The following UBE3C variants were observed in gnomAD, a reference collection of about 807,000 sequenced individuals.
UBE3C encodes ubiquitin-protein ligase E3C.
UBE3C carries 42 observed loss-of-function variants against 129.4 expected under a neutral mutation model. The observed-to-expected ratio is 0.32, with a 90% CI of 0.25 to 0.42. The LOEUF (loss-of-function observed/expected upper bound fraction) is 0.42, where lower values mean the gene tolerates loss of function less well. Ranked by LOEUF, UBE3C falls within the 10% of genes least tolerant of loss-of-function variation. The probability of loss-of-function intolerance (pLI) is 1.00; values close to 1 mark genes in which losing one functional copy is unlikely to be tolerated. For missense variants in UBE3C, 1,049 were observed against 1,319.1 expected, an observed-to-expected ratio of 0.80 and a Z score of 3.17; for synonymous variants, 510 against 492.4, an observed-to-expected ratio of 1.04 and a Z score of -0.47.
chr7:157,229,631 T>G (rs1795969297), intron 17 of UBE3C, among the ~76,000 whole-genome samples: 1 of 151,922 alleles, frequency 6.6e-6, no homozygotes, highest in African/African-American at 2.4e-5. Context: ...TTTGGGGTTT[T>G]TAAATTTTTA....
chr7:157,181,468 C>T, intron 6 of UBE3C, 50 bp from the exon 7 acceptor site: 1 of 1,511,832 alleles, frequency 6.6e-7, no homozygotes, highest in Non-Finnish European at 8.8e-7. Context: ...AGTTTTTTCC[C>T]TTATTACAGG....
chr7:157,221,854 T>C (rs189499311), intron 15 of UBE3C: 9 of 152,340 alleles, frequency 5.9e-5, no homozygotes, highest in Middle Eastern at 3.4e-3. Flanking sequence ...ATTTGTTTTT[T>C]TGTTGTGTTT....
At chr7:157,240,561 G>A (rs1355698269) in intron 18 of UBE3C, among the ~76,000 whole-genome samples, 2 of 152,172 alleles carry the variant, frequency 1.3e-5, no homozygotes, top group African/African-American at 4.8e-5. Context: ...AGGATGTAGA[G>A]TCAGATTTAA....
intron 7 of UBE3C, 101 bp downstream of exon 7, chr7:157,181,772 A>G: frequency 2.1e-6 from 3 of 1,452,858 alleles, no homozygotes; most frequent in Non-Finnish European, 2.8e-6. Context: ...CTTGAAATTC[A>G]GGTTTTTACT....
rs1356051914 is a variant in UBE3C, at chr7:157,207,792, AT to A, written c.1667del (p.Ile556ThrfsTer53). 6.2e-7 allele frequency: 1 copy of A among 1,614,052 alleles called. No individual in the cohort carries two copies. The highest frequency in any genetic ancestry group is 8.5e-7 in the Non-Finnish European group (1 of 1,180,034). On this transcript the variant is annotated frameshift_variant, in exon 13 of 23. Transcript: ENST00000348165. LOFTEE classifies it high-confidence loss of function. ...SRCLRDACLG[I>X]IKLAYPETKP... ...ATGCCTTCGAGATGCATGCCTGGGGATCATCAAGTTGGCTTATCCAGAAACC... is the reference window on the plus strand; with the variant it reads ...ATGCCTTCGAGATGCATGCCTGGGGACATCAAGTTGGCTTATCCAGAAACC...
rs77540550 is a variant in UBE3C at position 157,203,799 on chromosome 7, A to G, written c.1418+1992A>G. Among the ~76,000 whole-genome samples the G allele has an allele frequency of 3.4e-3, 524 of 152,312 alleles. 16 individuals are homozygous for G. The South Asian group carries it at 0.047, about 14-fold the overall frequency. On this transcript the variant is annotated intron_variant, in intron 11 of 22. Transcript: ENST00000348165. ...CTGACAGTGTATTAATGCGTTCCCA[A>G]TACAGATACTCCTTGAGGTACAATG...
chr7:157,181,497 AAT>A lies in UBE3C; in HGVS notation c.617-18_617-17del. The A allele has an allele frequency of 6.5e-7, 1 of 1,545,954 alleles. No homozygotes were observed. The highest frequency in any genetic ancestry group is 8.7e-7 in the Non-Finnish European group (1 of 1,153,722). On this transcript the variant is annotated intron_variant, in intron 6 of 22. Coordinates refer to ENST00000348165, the MANE Select transcript of UBE3C (RefSeq NM_014671.3). ...TTACAGGAAAAGGCACTAAATTTTAAATATGTGTTTTTCCTTTTAGGGTATTA... is the reference window on the plus strand; with the variant it reads ...TTACAGGAAAAGGCACTAAATTTTAAATGTGTTTTTCCTTTTAGGGTATTA...
At chr7:157,152,235 C>G (rs139796651) in intron 1 of UBE3C, among the ~76,000 whole-genome samples, 501 of 151,924 alleles carry the variant, frequency 3.3e-3, no homozygotes, top group Non-Finnish European at 3.6e-3. Context: ...AGGGAGAGAG[C>G]TGGGGGAAAG....
At chr7:157,160,511 AAG>A (rs1407343474) in intron 1 of UBE3C, among the ~76,000 whole-genome samples, 1 of 152,202 alleles carries the variant, frequency 6.6e-6, no homozygotes, top group Non-Finnish European at 1.5e-5. Flanking sequence ...TTAGGTTAAA[AAG>A]AGTCTTTTTG....
intron 1 of UBE3C, among the ~76,000 whole-genome samples, chr7:157,163,401 A>AG (rs1808128267): frequency 1.3e-5 from 2 of 151,484 alleles, no homozygotes; most frequent in African/African-American, 4.9e-5. Context: ...AAAAAAAAAA[A>AG]AAAAGGAAAG....
chr7:157,194,166 TC>T (rs1474986141), intron 10 of UBE3C, among the ~76,000 whole-genome samples: 2 of 152,230 alleles, frequency 1.3e-5, no homozygotes, highest in Non-Finnish European at 2.9e-5. Context: ...CCCCTGGTAA[TC>T]TTTTTGAAAT....
rs554533067 is a variant in UBE3C at position 157,236,365 on chromosome 7, AT to A, written c.2481+5040del. Among the ~76,000 whole-genome samples the A allele has an allele frequency of 3.0e-3, 463 of 152,308 alleles. 2 individuals carry two copies. Among genetic ancestry groups the A allele is most frequent in the Non-Finnish European group, 4.1e-3 (278 of 68,018 alleles). ...ATGGCTTTTTTTCTTGCTTTAGGAT[AT>A]TGATTTAATTGGGATGGCATGCCTA... On this transcript the variant is annotated intron_variant, in intron 18 of 22. Transcript: ENST00000348165.
At chr7:157,201,887 T>G in intron 11 of UBE3C, 80 bp downstream of exon 11, 1 of 1,180,852 alleles carries the variant, frequency 8.5e-7, no homozygotes. Flanking sequence ...CCAGAACCTG[T>G]TTTTAAGTCC....
chr7:157,168,135 A>G (rs996511710), intron 2 of UBE3C, among the ~76,000 whole-genome samples: 1 of 151,840 alleles, frequency 6.6e-6, no homozygotes. Context: ...GAGGATCATG[A>G]GGTCAGGAGA....
intron 18 of UBE3C, among the ~76,000 whole-genome samples, chr7:157,243,069 G>A (rs1796386425): frequency 6.6e-6 from 1 of 151,902 alleles, no homozygotes; most frequent in South Asian, 2.1e-4. Context: ...AAAAAAGGAA[G>A]CGTCAACTCC....
At chr7:157,255,780 C>G (rs1388350150) in intron 21 of UBE3C, among the ~76,000 whole-genome samples, 1 of 152,114 alleles carries the variant, frequency 6.6e-6, no homozygotes, top group Non-Finnish European at 1.5e-5. Context: ...TTAGGGAGCA[C>G]TTTACTAGAT....
rs770239316 is a variant in UBE3C at position 157,170,381 on chromosome 7, C to T, written c.273C>T (p.Gly91=). The T allele has an allele frequency of 6.3e-7, 1 of 1,578,372 alleles. No homozygotes were observed. Among genetic ancestry groups the T allele is most frequent in the South Asian group, 1.2e-5 (1 of 84,834 alleles). Residue 91 remains glycine (G), a synonymous_variant, in exon 4 of 23, where the codon GGC becomes GGT. Transcript: ENST00000348165. ...QSGGAFPIAN[G]PNLTLLVRQL... Reference sequence around the variant, plus strand: ...GGGGCGCTTTTCCCATTGCTAATGGCCCCAACCTTACCCTTTTGGTAAGGC... The same window carrying T: ...GGGGCGCTTTTCCCATTGCTAATGGTCCCAACCTTACCCTTTTGGTAAGGC...
chr7:157,185,758 A>T (rs529306954), intron 9 of UBE3C, among the ~76,000 whole-genome samples: 20 of 152,240 alleles, frequency 1.3e-4, no homozygotes, highest in Middle Eastern at 3.4e-3. Flanking sequence ...ACACTACAAA[A>T]ATAGTAGTGC....
intron 17 of UBE3C, among the ~76,000 whole-genome samples, chr7:157,230,250 T>TC (rs1303179196): frequency 6.6e-6 from 1 of 151,938 alleles, no homozygotes; most frequent in South Asian, 2.1e-4. Context: ...CCAGTAATTT[T>TC]CCCCCCTTTT....
Sources: allele counts gnomAD v4.1 joint callset (sites outside exome capture counted in the v4.1 genomes callset), GRCh38; gene constraint gnomAD v4.1.1; transcripts MANE v1.5; gene names NCBI Gene and HGNC (gene_info 2026-07-23, HGNC 2026-07-21).